The following OSMR variants were observed in gnomAD, a reference collection of about 807,000 sequenced individuals.
OSMR encodes oncostatin-M-specific receptor subunit beta.
A neutral mutation model predicts 99.9 loss-of-function variants in OSMR; 81 were observed. The ratio of observed to expected loss-of-function variants is 0.81; its 90% confidence interval spans 0.68 to 0.97. The LOEUF is 0.97. Ranked by LOEUF, OSMR falls within the 50% of genes least tolerant of loss-of-function variation. OSMR has a pLI of 0.00. For missense variants in OSMR, 1,099 were observed against 1,153.4 expected (o/e 0.95, Z 0.68); for synonymous variants, 406 against 410.4 (o/e 0.99, Z 0.13).
rs201348788 is a variant in OSMR at position 38,921,682 on chromosome 5, T to C, written c.1653T>C (p.Pro551=). Residue 551 remains proline (P), a synonymous_variant, in exon 12 of 18, where the codon CCT becomes CCC. Transcript: ENST00000274276. ...GGFSLSWKPQ[P]GDVIGYVVDW... is the part of the protein sequence containing the mutation. ...TCTCTCTGTCTTGGAAACCCCAACC[T>C]GGAGATGTTATAGGCTATGTTGTGG... 5.8e-5 allele frequency: 93 copies of C among 1,614,084 alleles called. No homozygotes were observed. The highest frequency in any genetic ancestry group is 7.0e-5 in the Non-Finnish European group (83 of 1,179,962).
Position 38,918,933 on chromosome 5 carries a change from A to C in OSMR, c.1456A>C (p.Ile486Leu). 1 of 1,614,146 alleles carries C rather than the reference A, an allele frequency of 6.2e-7. No homozygotes were observed. The highest frequency in any genetic ancestry group is 2.2e-5 in the East Asian group (1 of 44,878). ...ACCATCCAGTTCAGAGCTCCATTCCATTCCAGCACCAGCCAACAGCACAAA... is the reference window on the plus strand; with the variant it reads ...ACCATCCAGTTCAGAGCTCCATTCCCTTCCAGCACCAGCCAACAGCACAAA... ...DKPSSSELHSIPAPANSTKLI... is the reference protein window; with the variant it reads ...DKPSSSELHSLPAPANSTKLI... The change falls in exon 11 of 18, where the codon ATT becomes CTT. Residue 486 changes from isoleucine (I) to leucine (L), a missense_variant. Ile to Leu is a conservative substitution (Grantham distance 5, BLOSUM62 2). Coordinates refer to ENST00000274276, the MANE Select transcript of OSMR (RefSeq NM_003999.3).
chr5:38,886,087 G>A lies in OSMR; in HGVS notation c.888G>A (p.Trp296Ter), dbSNP rs1345733520. 1 of 1,613,440 alleles carries A rather than the reference G, an allele frequency of 6.2e-7. No homozygotes were observed. Among genetic ancestry groups the A allele is most frequent in the Non-Finnish European group, 8.5e-7 (1 of 1,179,818 alleles). ...KLCTHKNWCN[W>*]QITQDSQETY... ...GTACACACAAAAACTGGTGTAATTG[G>A]CAAATAACTCAAGACTCACAAGAAA... Residue 296 changes from tryptophan to a stop codon, truncating the protein, a stop_gained, in exon 7 of 18, where the codon TGG becomes TGA. Coordinates refer to ENST00000274276, the MANE Select transcript of OSMR (RefSeq NM_003999.3). LOFTEE classifies it high-confidence loss of function.
chr5:38,923,651 C>A (rs1746338454), intron 13 of OSMR, among the ~76,000 whole-genome samples: 3 of 152,070 alleles, frequency 2.0e-5, no homozygotes, highest in African/African-American at 7.2e-5. Context: ...TGTGAAATCA[C>A]CCCCTAGAAA....
At chr5:38,898,503 A>C (rs916998405) in intron 7 of OSMR, among the ~76,000 whole-genome samples, 1 of 152,092 alleles carries the variant, frequency 6.6e-6, no homozygotes, top group Non-Finnish European at 1.5e-5. Context: ...GGCTAAGTGC[A>C]TTTCTCATAG....
At chr5:38,878,022 C>T in intron 3 of OSMR, among the ~76,000 whole-genome samples, 1 of 152,102 alleles carries the variant, frequency 6.6e-6, no homozygotes, top group East Asian at 1.9e-4. Flanking sequence ...CCCAACCCAG[C>T]CTGACTACAA....
rs1164488472 is a variant in OSMR at position 38,945,062 on chromosome 5, T to G, written c.*203T>G. On this transcript the variant is annotated 3_prime_UTR_variant and NMD_transcript_variant, in exon 3 of 3. Transcript: ENST00000508882. ...ACACCAATCAGAATATGGAATATCT[T>G]GAAAGTCTGAAGAAAAAAATAATTA... is the stretch of plus-strand genomic sequence containing the variant. The G allele has an allele frequency of 1.9e-6, 3 of 1,593,948 alleles. No homozygotes were observed. The South Asian group carries it at 3.4e-5, about 18-fold the overall frequency.
chr5:38,918,688 G>A, intron 10 of OSMR, 152 bp from the exon 11 acceptor site: 2 of 1,451,190 alleles, frequency 1.4e-6, no homozygotes, highest in Non-Finnish European at 1.8e-6. Flanking sequence ...TTTCAGAGTT[G>A]GTTGAGAGAG....
At position 38,942,300 on chromosome 5, in the gene OSMR, G is replaced by A. The variant is rs368589608; in HGVS notation, c.75-1901G>A. ...ATGTATCTATATCCATCATAAATAT[G>A]AGGTCAGGATTCAGCAGATGTATCA... On this transcript the variant is annotated intron_variant and NMD_transcript_variant, in intron 1 of 2. Coordinates refer to the OSMR transcript ENST00000508882. 3.0e-5 allele frequency: 46 copies of A among 1,558,822 alleles called. 1 individual carries two copies. In the African/African-American group the frequency reaches 5.4e-4, roughly 18 times the overall value.
Position 38,883,930 on chromosome 5 carries a change from A to T in OSMR, c.522A>T (p.Gln174His). The T allele has an allele frequency of 6.2e-7, 1 of 1,613,910 alleles. No individual in the cohort carries two copies. The highest frequency in any genetic ancestry group is 8.5e-7 in the Non-Finnish European group (1 of 1,179,776). The change falls in exon 5 of 18, where the codon CAA becomes CAT. Residue 174 changes from glutamine (Q) to histidine (H), a missense_variant. Physicochemically the swap from Gln to His is conservative, Grantham distance 24 (BLOSUM62 0). Coordinates refer to ENST00000274276, the MANE Select transcript of OSMR (RefSeq NM_003999.3). ...VTICYVSRNI[Q>H]NNVSCYLEGK... The stretch of plus-strand genomic sequence containing the variant: ...TTTGTTACGTTTCTAGGAACATTCA[A>T]AATAATGTATCCTGTTATTTGGAAG...
chr5:38,922,744 A>T (rs1261908132), intron 12 of OSMR, among the ~76,000 whole-genome samples: 2 of 152,164 alleles, frequency 1.3e-5, no homozygotes, highest in African/African-American at 2.4e-5. Flanking sequence ...AAAGCCAATT[A>T]TTAGGGGAGC....
intron 1 of OSMR, chr5:38,942,736 A>G: frequency 3.1e-6 from 3 of 980,162 alleles, no homozygotes; most frequent in Non-Finnish European, 4.7e-6. Flanking sequence ...GATTGTAGGC[A>G]TGAGTCACCA....
At chr5:38,909,868 C>T (rs1321032409) in intron 9 of OSMR, among the ~76,000 whole-genome samples, 6 of 152,208 alleles carry the variant, frequency 3.9e-5, no homozygotes, top group African/African-American at 1.2e-4. Flanking sequence ...ATCAAATCCA[C>T]ACATACCAGT....
rs773645335 is a variant in OSMR at position 38,932,531 on chromosome 5, TCAAG to T, written c.2364_2367del (p.Phe788LeufsTer6). On this transcript the variant is annotated frameshift_variant and splice_region_variant, in exon 17 of 18. Transcript: ENST00000274276. LOFTEE classifies it low-confidence loss of function (END_TRUNC). ...AGCAGCATCCTGTCATTAATAAAAT[TCAAG>T]GTAAATGTTGGCAAATTGTATGTAT... 1 of 1,613,042 alleles carries T rather than the reference TCAAG, an allele frequency of 6.2e-7. No homozygotes were observed. Among genetic ancestry groups the T allele is most frequent in the Non-Finnish European group, 8.5e-7 (1 of 1,179,024 alleles).
At chr5:38,906,937 T>G (rs1018996398) in intron 9 of OSMR, among the ~76,000 whole-genome samples, 1 of 152,244 alleles carries the variant, frequency 6.6e-6, no homozygotes, top group African/African-American at 2.4e-5. Flanking sequence ...TAAATTTTGT[T>G]AATTTCGTGA....
chr5:38,883,302 C>A (rs975843599), intron 4 of OSMR, among the ~76,000 whole-genome samples: 3 of 152,204 alleles, frequency 2.0e-5, no homozygotes, highest in South Asian at 2.1e-4. Context: ...GAGGGACTCG[C>A]ATTTCTGAGA....
At chr5:38,876,171 T>C (rs1329302295) in intron 2 of OSMR, 30 bp from the exon 3 acceptor site, 1 of 1,588,792 alleles carries the variant, frequency 6.3e-7, no homozygotes, top group Non-Finnish European at 8.6e-7. Context: ...CTATTAAATA[T>C]TATTTCATAC....
rs539010037 is a variant in OSMR at position 38,926,348 on chromosome 5, C to T, written c.2212+977C>T. On this transcript the variant is annotated intron_variant, in intron 15 of 17. Transcript: ENST00000274276. ...TGGCTGCAGTGGCAGTGTATTAGTC[C>T]GTTCTCACACTACTATAAAGAACTG... is the stretch of plus-strand genomic sequence containing the variant. 2.6e-4 allele frequency among the ~76,000 whole-genome samples: 39 copies of T among 152,246 alleles called. No individual in the cohort carries two copies. The South Asian group carries it at 4.4e-3, about 17-fold the overall frequency.
chr5:38,907,839 C>T (rs765906443), intron 9 of OSMR, among the ~76,000 whole-genome samples: 17 of 152,348 alleles, frequency 1.1e-4, no homozygotes, highest in Admixed American at 2.0e-4. Flanking sequence ...CCAGTGCACA[C>T]GTGTGGGTGG....
intron 9 of OSMR, among the ~76,000 whole-genome samples, chr5:38,906,486 A>G (rs1210278270): frequency 1.3e-5 from 2 of 152,230 alleles, no homozygotes; most frequent in African/African-American, 4.8e-5. Flanking sequence ...TGTTGTTTAT[A>G]AAATATAGTG....
Sources: allele counts gnomAD v4.1 joint callset (sites outside exome capture counted in the v4.1 genomes callset), GRCh38; gene constraint gnomAD v4.1.1; transcripts MANE v1.5; gene names NCBI Gene and HGNC (gene_info 2026-07-23, HGNC 2026-07-21).